The following APP variants were observed in gnomAD, a reference collection of about 807,000 sequenced individuals.
The protein encoded by APP is amyloid beta precursor protein, also known as amyloid-beta precursor protein.
A neutral mutation model predicts 101.4 loss-of-function variants in APP; 31 were observed. The observed-to-expected ratio is 0.31, with a 90% CI of 0.23 to 0.41. APP has a LOEUF of 0.41. Among genes scored for constraint, APP ranks in the 10% least tolerant of loss-of-function variants. APP has a pLI of 1.00. For synonymous variants in APP, 366 were observed against 364.4 expected (o/e 1.00, Z -0.05); for missense variants, 839 against 1,003.7 (o/e 0.84, Z 2.22).
intron 4 of APP, among the ~76,000 whole-genome samples, chr21:26,052,368 C>T (rs1234778966): frequency 2.0e-5 from 3 of 152,126 alleles, no homozygotes; most frequent in African/African-American, 7.2e-5. Flanking sequence ...AGACATGTTC[C>T]GGTGAGGGAC....
At chr21:26,036,988 A>G (rs12482573) in intron 5 of APP, among the ~76,000 whole-genome samples, 6 of 121,462 alleles carry the variant, frequency 4.9e-5, no homozygotes, top group African/African-American at 9.4e-5. Context: ...GTGTGTGTGT[A>G]TGTGTGTGTG....
intron 3 of APP, among the ~76,000 whole-genome samples, chr21:26,057,830 T>C (rs1257380114): frequency 6.6e-6 from 1 of 152,210 alleles, no homozygotes; most frequent in Non-Finnish European, 1.5e-5. Context: ...ATTTGGCCCA[T>C]TTCCTTTGGC....
chr21:26,047,231 T>A (rs2045647860), intron 5 of APP, among the ~76,000 whole-genome samples: 1 of 152,174 alleles, frequency 6.6e-6, no homozygotes, highest in African/African-American at 2.4e-5. Context: ...AGAAAAACAC[T>A]CATCTTCTAT....
intron 2 of APP, among the ~76,000 whole-genome samples, chr21:26,098,323 T>C (rs1226743493): frequency 1.3e-5 from 2 of 151,980 alleles, no homozygotes; most frequent in Non-Finnish European, 2.9e-5. Context: ...GAAGTCTCTC[T>C]TCTCACTATC....
At chr21:25,926,828 C>A (rs1362942678) in intron 13 of APP, among the ~76,000 whole-genome samples, 1 of 151,722 alleles carries the variant, frequency 6.6e-6, no homozygotes, top group Non-Finnish European at 1.5e-5. Flanking sequence ...ATGGTGAAAC[C>A]CCATCTTTAC....
Position 25,953,432 on chromosome 21 carries a change from T to C in APP, c.1687+1158A>G, listed in dbSNP as rs112156862. Among the ~76,000 whole-genome samples, 526 of 152,308 alleles carry C rather than the reference T, an allele frequency of 3.5e-3. 4 individuals are homozygous for C. Among genetic ancestry groups the C allele is most frequent in the African/African-American group, 0.012 (504 of 41,568 alleles). ...GAAAAAGTGAGGGCCAGCTGTTCCC[T>C]TGAGCGGTGTTTCAGGCACTTCAAA... On this transcript the variant is annotated intron_variant, in intron 13 of 17. Coordinates refer to ENST00000346798, the MANE Select transcript of APP (RefSeq NM_000484.4).
At chr21:26,151,533 CA>C (rs2063270627) in intron 1 of APP, among the ~76,000 whole-genome samples, 1 of 152,026 alleles carries the variant, frequency 6.6e-6, no homozygotes, top group Non-Finnish European at 1.5e-5. Context: ...TTGACAGCAG[CA>C]ATTTATAGCA....
chr21:25,991,279 G>A (rs1234547747), intron 8 of APP, among the ~76,000 whole-genome samples: 3 of 196 alleles, frequency 0.015, no homozygotes, highest in Non-Finnish European at 0.033. Context: ...CTTCATCCCC[G>A]TAACTAAAAC....
intron 9 of APP, among the ~76,000 whole-genome samples, chr21:25,979,864 G>GA (rs372671786): frequency 1 from 152,070 of 152,070 alleles, 76,035 homozygotes; most frequent in Non-Finnish European, 1. Context: ...CAGGCTTCAT[G>GA]ACTTGAGGTC....
intron 1 of APP, among the ~76,000 whole-genome samples, chr21:26,132,167 G>T (rs938034156): frequency 6.6e-6 from 1 of 152,186 alleles, no homozygotes; most frequent in African/African-American, 2.4e-5. Context: ...AGTTTGCTAT[G>T]ATCGAGCCTG....
intron 14 of APP, among the ~76,000 whole-genome samples, chr21:25,909,023 G>A (rs1455431655): frequency 6.6e-6 from 1 of 152,144 alleles, no homozygotes; most frequent in Non-Finnish European, 1.5e-5. Context: ...CAGCACTTTG[G>A]GAGGCTGAGG....
chr21:26,161,489 G>A (rs1054451342), intron 1 of APP, among the ~76,000 whole-genome samples: 8 of 152,070 alleles, frequency 5.3e-5, no homozygotes, highest in African/African-American at 1.4e-4. Context: ...CAAGGACCTC[G>A]AAAATATTTG....
At chr21:25,885,882 G>A (rs377347817) in intron 17 of APP, among the ~76,000 whole-genome samples, 4 of 152,176 alleles carry the variant, frequency 2.6e-5, no homozygotes, top group Non-Finnish European at 4.4e-5. Context: ...GCAGGGACAA[G>A]ATTCTATTTG....
intron 5 of APP, among the ~76,000 whole-genome samples, chr21:26,036,277 G>C (rs1340432778): frequency 2.9e-5 from 4 of 137,632 alleles, no homozygotes; most frequent in Admixed American, 2.2e-4. Flanking sequence ...GGGTGGGGGT[G>C]GGGGGTAGAA....
intron 9 of APP, among the ~76,000 whole-genome samples, chr21:25,979,739 T>C (rs554417026): frequency 2.4e-4 from 36 of 151,952 alleles, no homozygotes; most frequent in African/African-American, 8.2e-4. Context: ...GAATTTGAAA[T>C]AAGTTTTCTT....
In APP at chr21:26,017,428, AT is replaced by A. The variant is rs61036986; in HGVS notation, c.865+4411del. On this transcript the variant is annotated intron_variant, in intron 6 of 17. Transcript: ENST00000346798. Reference sequence around the variant, plus strand: ...CCGTGTCAAAAAAAAAAAAAAAAAAATTTAAATTACATTAAAGGGCAAGAGT... The same window carrying A: ...CCGTGTCAAAAAAAAAAAAAAAAAAATTAAATTACATTAAAGGGCAAGAGT... 5.2e-4 allele frequency among the ~76,000 whole-genome samples: 76 copies of A among 147,458 alleles called. 4 individuals carry two copies. Among genetic ancestry groups the A allele is most frequent in the African/African-American group, 1.1e-3 (46 of 40,194 alleles).
chr21:25,901,576 C>T (rs1285633654), intron 15 of APP, among the ~76,000 whole-genome samples: 1 of 152,122 alleles, frequency 6.6e-6, no homozygotes, highest in East Asian at 1.9e-4. Flanking sequence ...AAGACAAAAT[C>T]AGTAAGCTGG....
intron 1 of APP, among the ~76,000 whole-genome samples, chr21:26,142,792 A>G (rs2063077130): frequency 8.1e-6 from 1 of 124,132 alleles, no homozygotes; most frequent in African/African-American, 2.6e-5. Context: ...AGAAAAAGTG[A>G]AAAAAAACAA....
intron 17 of APP, among the ~76,000 whole-genome samples, chr21:25,884,036 G>A (rs540716629): frequency 1.1e-4 from 16 of 151,748 alleles, no homozygotes; most frequent in African/African-American, 1.2e-4. Flanking sequence ...CCGCCACTAC[G>A]CCTGGCTAAT....
Sources: allele counts gnomAD v4.1 joint callset (sites outside exome capture counted in the v4.1 genomes callset), GRCh38; gene constraint gnomAD v4.1.1; transcripts MANE v1.5; gene names NCBI Gene and HGNC (gene_info 2026-07-23, HGNC 2026-07-21).